The following RPTOR variants were observed in gnomAD, a reference collection of about 807,000 sequenced individuals.
RPTOR encodes regulatory associated protein of MTOR complex 1.
In RPTOR, 21 loss-of-function variants were observed where a neutral mutation model predicts 169.9. The ratio of observed to expected loss-of-function variants is 0.12; its 90% CI spans 0.09 to 0.18. RPTOR has a LOEUF of 0.18. RPTOR is among the 10% of genes least tolerant of loss of function. RPTOR has a pLI of 1.00. For missense variants in RPTOR, 1,133 were observed against 1,855.9 expected (o/e 0.61, Z 7.16); for synonymous variants, 732 against 753.2 (o/e 0.97, Z 0.46).
chr17:80,664,291 T>C (rs759628062), intron 3 of RPTOR, among the ~76,000 whole-genome samples: 1 of 152,206 alleles, frequency 6.6e-6, no homozygotes, highest in Non-Finnish European at 1.5e-5. Flanking sequence ...CCAGCACAAA[T>C]GCATTTAGCT....
Position 80,888,626 on chromosome 17 carries a change from A to G in RPTOR, c.1984-3094A>G, listed in dbSNP as rs1291050043. Among the ~76,000 whole-genome samples, 6 of 152,244 alleles carry G rather than the reference A, an allele frequency of 3.9e-5. No individual in the cohort carries two copies. In the East Asian group the frequency reaches 9.6e-4, roughly 24 times the overall value. On this transcript the variant is annotated intron_variant, in intron 17 of 33. Coordinates refer to ENST00000306801, the MANE Select transcript of RPTOR (RefSeq NM_020761.3). ...CCCAGCGGGGCAGGACATGTGTCCA[A>G]GAAAGATGTCCTTGAGTCCTGGCAC...
At chr17:80,895,148 T>C (rs2068382254) in intron 20 of RPTOR, among the ~76,000 whole-genome samples, 3 of 152,238 alleles carry the variant, frequency 2.0e-5, no homozygotes, top group Non-Finnish European at 2.9e-5. Context: ...CCTGCCACCA[T>C]GGAGCCCCAC....
At chr17:80,814,333 G>A (rs1447749202) in intron 7 of RPTOR, among the ~76,000 whole-genome samples, 4 of 152,096 alleles carry the variant, frequency 2.6e-5, no homozygotes, top group Admixed American at 1.3e-4. Flanking sequence ...CCAGCATGCC[G>A]GGATAACCAT....
intron 3 of RPTOR, among the ~76,000 whole-genome samples, chr17:80,688,772 A>G (rs2143734212): frequency 6.6e-6 from 1 of 152,294 alleles, no homozygotes; most frequent in Middle Eastern, 3.4e-3. Context: ...TTTAAACTAG[A>G]TGTATCTCTA....
intron 3 of RPTOR, among the ~76,000 whole-genome samples, chr17:80,679,742 T>C (rs74000899): frequency 0.18 from 26,828 of 152,156 alleles, 3,770 homozygotes; most frequent in African/African-American, 0.39. Flanking sequence ...ATGTATTTAT[T>C]TGAAGCTCAG....
At chr17:80,921,847 C>T (rs1308367725) in intron 21 of RPTOR, among the ~76,000 whole-genome samples, 1 of 152,180 alleles carries the variant, frequency 6.6e-6, no homozygotes, top group Non-Finnish European at 1.5e-5. Context: ...GCGCCCCTCC[C>T]CAGGGCAGGT....
chr17:80,602,967 T>G, intron 1 of RPTOR: 1 of 362,134 alleles, frequency 2.8e-6, no homozygotes, highest in South Asian at 2.8e-5. Flanking sequence ...ACAGTTGAGT[T>G]TTCTTGGGTT....
intron 4 of RPTOR, among the ~76,000 whole-genome samples, chr17:80,710,106 A>G (rs1255015320): frequency 7.3e-6 from 1 of 137,652 alleles, no homozygotes; most frequent in African/African-American, 2.4e-5. Context: ...CCTCCCAAGT[A>G]GGTGGGACTA....
Position 80,662,465 on chromosome 17 carries a change from G to C in RPTOR, c.348+18655G>C, listed in dbSNP as rs181616197. The stretch of plus-strand genomic sequence containing the variant: ...ATAATTTGGTGGGCGGGGCTAGGGA[G>C]TGGGTGCTGCTGATTGGTTGGGGGG... On this transcript the variant is annotated intron_variant, in intron 3 of 33. Transcript: ENST00000306801. Among the ~76,000 whole-genome samples the C allele has an allele frequency of 1.4e-4, 22 of 152,150 alleles. No homozygotes were observed. The East Asian group carries it at 4.2e-3, about 29-fold the overall frequency.
chr17:80,585,547 G>A (rs2065053571), intron 1 of RPTOR, among the ~76,000 whole-genome samples: 1 of 152,196 alleles, frequency 6.6e-6, no homozygotes, highest in Non-Finnish European at 1.5e-5. Flanking sequence ...GCACAGGGCT[G>A]CTGCACCCGT....
At chr17:80,848,270 ACTCCAT>A (rs2143719700) in intron 11 of RPTOR, among the ~76,000 whole-genome samples, 1 of 152,212 alleles carries the variant, frequency 6.6e-6, no homozygotes, top group South Asian at 2.1e-4. Flanking sequence ...ACATAGGGAG[ACTCCAT>A]CTCTACAAAA....
chr17:80,845,210 CTG>C lies in RPTOR; in HGVS notation c.1213-1260_1213-1259del, dbSNP rs552355844. ...GCACCCAGGCGAATCCCCCTCCACTCTGTGCCTGCACTCACGTGGCTGGGCTA... is the reference window on the plus strand; with the variant it reads ...GCACCCAGGCGAATCCCCCTCCACTCTGCCTGCACTCACGTGGCTGGGCTA... On this transcript the variant is annotated intron_variant, in intron 10 of 33. Coordinates refer to ENST00000306801, the MANE Select transcript of RPTOR (RefSeq NM_020761.3). The surrounding 1 kb of genome is among the most constrained non-coding windows in gnomAD (Gnocchi z 5.4). 5.6e-4 allele frequency among the ~76,000 whole-genome samples: 85 copies of C among 152,284 alleles called. No individual in the cohort carries two copies. Among genetic ancestry groups the C allele is most frequent in the Middle Eastern group, 6.8e-3 (2 of 292 alleles).
chr17:80,735,939 A>G (rs994115163), intron 5 of RPTOR, among the ~76,000 whole-genome samples: 1 of 152,174 alleles, frequency 6.6e-6, no homozygotes, highest in Non-Finnish European at 1.5e-5. Context: ...TGGAAGGCCA[A>G]GGTGGGCAGA....
At chr17:80,874,234 G>A (rs907009518) in intron 13 of RPTOR, among the ~76,000 whole-genome samples, 3 of 149,602 alleles carry the variant, frequency 2.0e-5, no homozygotes, top group African/African-American at 7.4e-5. Flanking sequence ...GTCTTGCTCT[G>A]TCACCAGGCT....
At chr17:80,705,193 A>G (rs979748595) in intron 3 of RPTOR, among the ~76,000 whole-genome samples, 7 of 152,226 alleles carry the variant, frequency 4.6e-5, no homozygotes, top group African/African-American at 1.4e-4. Flanking sequence ...ATGAAAATGG[A>G]CTTGAAGATC....
chr17:80,956,386 G>T (rs2069249450), intron 28 of RPTOR, among the ~76,000 whole-genome samples: 2 of 152,244 alleles, frequency 1.3e-5, no homozygotes, highest in Non-Finnish European at 2.9e-5. Flanking sequence ...GTGAGGTGGG[G>T]GTTGCTCTGC....
intron 5 of RPTOR, among the ~76,000 whole-genome samples, chr17:80,733,378 G>A (rs2066408183): frequency 2.0e-5 from 3 of 152,300 alleles, no homozygotes; most frequent in South Asian, 4.1e-4. Context: ...TACCAAATTA[G>A]TATATGCCAT....
chr17:80,783,707 A>T (rs2066963669), intron 6 of RPTOR, among the ~76,000 whole-genome samples: 1 of 152,212 alleles, frequency 6.6e-6, no homozygotes, highest in Admixed American at 6.5e-5. Context: ...TTGGCTCATT[A>T]TGTGGGTTGG....
At chr17:80,678,104 C>G (rs908741333) in intron 3 of RPTOR, among the ~76,000 whole-genome samples, 3 of 152,224 alleles carry the variant, frequency 2.0e-5, no homozygotes, top group African/African-American at 7.2e-5. Context: ...AGAGGTAACA[C>G]CCAATCCAAC....
Sources: allele counts gnomAD v4.1 joint callset (sites outside exome capture counted in the v4.1 genomes callset), GRCh38; gene constraint gnomAD v4.1.1; non-coding constraint Gnocchi (gnomAD v3.1); transcripts MANE v1.5; gene names NCBI Gene and HGNC (gene_info 2026-07-23, HGNC 2026-07-21).